The following ABCC5 variants were observed in gnomAD, a reference collection of about 807,000 sequenced individuals.
ABCC5 encodes ATP binding cassette subfamily C member 5, also known as ATP-binding cassette sub-family C member 5.
Under a neutral mutation model 160.9 loss-of-function variants are expected in ABCC5, and 61 were observed. That is an observed-to-expected ratio of 0.38 (90% confidence interval 0.31 to 0.47). The LOEUF (loss-of-function observed/expected upper bound fraction) is 0.47. ABCC5 is among the 20% of genes least tolerant of loss of function. The probability of loss-of-function intolerance (pLI) is 0.99; values close to 1 mark genes in which losing one functional copy is unlikely to be tolerated. For synonymous variants in ABCC5, 666 were observed against 700.6 expected, an observed-to-expected ratio of 0.95 and a Z score of 0.78; for missense variants, 1,308 against 1,813.3, an observed-to-expected ratio of 0.72 and a Z score of 5.06.
rs1716329796 is a variant in ABCC5 at position 183,957,901 on chromosome 3, C to G, written c.2482+1832G>C. Among the ~76,000 whole-genome samples the G allele has an allele frequency of 1.3e-5, 2 of 150,054 alleles. 1 individual carries two copies. The highest frequency in any genetic ancestry group is 4.2e-4 in the South Asian group (2 of 4,746). ...ATCCGTGTGTATATCACATCGGTTA[C>G]ATGCGGATCCGTGTGTATATCACAT... On this transcript the variant is annotated intron_variant, in intron 17 of 29. Coordinates refer to ENST00000334444, the MANE Select transcript of ABCC5 (RefSeq NM_005688.4).
Position 183,939,717 on chromosome 3 carries a change from C to T in ABCC5, c.3695-1657G>A, listed in dbSNP as rs762360863. On this transcript the variant is annotated intron_variant, in intron 25 of 29. Coordinates refer to ENST00000334444, the MANE Select transcript of ABCC5 (RefSeq NM_005688.4). Reference sequence around the variant, plus strand: ...AAACATTTAAAAGGTGCTCTCTCTACAGAGCCAAAAAGAAAAGAAGTTTGC... The same window carrying T: ...AAACATTTAAAAGGTGCTCTCTCTATAGAGCCAAAAAGAAAAGAAGTTTGC... Among the ~76,000 whole-genome samples the T allele has an allele frequency of 2.6e-5, 4 of 152,200 alleles. No homozygotes were observed. The South Asian group carries it at 8.3e-4, about 31-fold the overall frequency.
chr3:183,991,055 G>A (rs1719718003), intron 2 of ABCC5, among the ~76,000 whole-genome samples: 1 of 151,972 alleles, frequency 6.6e-6, no homozygotes, highest in Non-Finnish European at 1.5e-5. Context: ...CTGTAATCCT[G>A]ACACTTTGGA....
Position 183,937,369 on chromosome 3 carries a change from T to A in ABCC5, c.3854+532A>T, listed in dbSNP as rs202204510. On this transcript the variant is annotated intron_variant, in intron 26 of 29. Coordinates refer to ENST00000334444, the MANE Select transcript of ABCC5 (RefSeq NM_005688.4). The stretch of plus-strand genomic sequence containing the variant: ...TTCAGCCTGGGTGACAGAGTGAGAC[T>A]CCATCTCAAACAAACAGAACAAAAA... Among the ~76,000 whole-genome samples the A allele has an allele frequency of 3.3e-5, 5 of 152,072 alleles. No individual in the cohort carries two copies. The East Asian group carries it at 9.6e-4, about 29-fold the overall frequency.
intron 28 of ABCC5, 82 bp from the exon 29 acceptor site, chr3:183,925,801 T>G: frequency 7.3e-7 from 1 of 1,366,162 alleles, no homozygotes; most frequent in East Asian, 2.4e-5. Context: ...AAAATGTATT[T>G]CATTTAAGTT....
chr3:183,967,642 G>C (rs1241205965), intron 12 of ABCC5, 53 bp downstream of exon 12: 2 of 1,502,142 alleles, frequency 1.3e-6, no homozygotes, highest in Non-Finnish European at 1.9e-6. Context: ...TTTTTCCTGA[G>C]ACTCTTGCAA....
chr3:183,953,046 T>C, intron 18 of ABCC5, 40 bp downstream of exon 18: 8 of 1,581,834 alleles, frequency 5.1e-6, no homozygotes, highest in Non-Finnish European at 6.0e-6. Flanking sequence ...AACGGCCACA[T>C]TCTTAGACAC....
chr3:183,982,671 C>T lies in ABCC5; in HGVS notation c.826-47G>A. 1 of 1,609,572 alleles carries T rather than the reference C, an allele frequency of 6.2e-7. No individual in the cohort carries two copies. The highest frequency in any genetic ancestry group is 8.5e-7 in the Non-Finnish European group (1 of 1,176,546). On this transcript the variant is annotated intron_variant, in intron 6 of 29. Coordinates refer to ENST00000334444, the MANE Select transcript of ABCC5 (RefSeq NM_005688.4). This position sits in a 1 kb window ranked among gnomAD's most constrained non-coding sequence, Gnocchi z 5.2. ...GAGGGGACCCTGCAAGGACACGGTT[C>T]ATTTGTCTCAGGAGGAAGATAAAGG...
chr3:183,984,520 T>C, intron 5 of ABCC5: 1 of 1,116,570 alleles, frequency 9.0e-7, no homozygotes, highest in Non-Finnish European at 1.1e-6. Context: ...ATTTCTTGTT[T>C]TTCCTGAGAT....
At chr3:183,930,914 A>T (rs1229714768) in intron 26 of ABCC5, among the ~76,000 whole-genome samples, 5 of 152,350 alleles carry the variant, frequency 3.3e-5, no homozygotes, top group African/African-American at 1.2e-4. Flanking sequence ...TCTGGATCAA[A>T]GAGCAGGCAT....
At chr3:183,957,617 CAGA>C (rs1716233797) in intron 17 of ABCC5, among the ~76,000 whole-genome samples, 1 of 151,684 alleles carries the variant, frequency 6.6e-6, no homozygotes, top group Non-Finnish European at 1.5e-5. Flanking sequence ...CGGTTACATG[CAGA>C]TCCATGTGTA....
intron 2 of ABCC5, among the ~76,000 whole-genome samples, chr3:184,001,869 G>A (rs578089565): frequency 6.6e-6 from 1 of 152,320 alleles, no homozygotes; most frequent in African/African-American, 2.4e-5. Flanking sequence ...CACACTGAAA[G>A]GCTGTCAGTG....
intron 24 of ABCC5, 74 bp downstream of exon 24, chr3:183,945,776 C>A: frequency 8.4e-7 from 1 of 1,191,616 alleles, no homozygotes; most frequent in South Asian, 1.2e-5. Context: ...CCTTGTACAC[C>A]CAGCTGAGGC....
rs1560006898 is a variant in ABCC5, at chr3:183,957,779, A to ATCACATCTGTTACATGCAG, written c.2482+1953_2482+1954insCTGCATGTAACAGATGTGA. On this transcript the variant is annotated intron_variant, in intron 17 of 29. Transcript: ENST00000334444. ...GTGTATATCACATCGGTTACACGTA[A>ATCACATCTGTTACATGCAG]ATCCGTGTGTATATCACATCGGTTA... Among the ~76,000 whole-genome samples the ATCACATCTGTTACATGCAG allele has an allele frequency of 1.3e-4, 7 of 55,140 alleles. No homozygotes were observed. In the East Asian group the frequency reaches 4.5e-3, roughly 35 times the overall value. The allele number at this position is 55,140 out of a possible 152,430, so 36.2% of individuals were successfully genotyped here. A position where few individuals can be genotyped will look rare whatever the true frequency, so the allele number is the denominator to read the frequency against.
intron 11 of ABCC5, among the ~76,000 whole-genome samples, chr3:183,969,129 TG>T (rs1577558119): frequency 6.6e-6 from 1 of 152,150 alleles, no homozygotes; most frequent in African/African-American, 2.4e-5. Context: ...GAAAAATGCC[TG>T]GTGCACAGAA....
In ABCC5 at chr3:183,982,847, C is replaced by A. The variant is rs767886323; in HGVS notation, c.752G>T (p.Arg251Leu). The A allele has an allele frequency of 2.5e-6, 4 of 1,614,066 alleles. No individual in the cohort carries two copies. The African/African-American group carries it at 4.0e-5, about 16-fold the overall frequency. ...AAATGCCATGGTTAGGATGGCCCCC[C>A]GCAAGCGGACACCGGTTCGGTAATT... ...ALNYRTGVRL[R>L]GAILTMAFKK... The change falls in exon 6 of 30, where the codon CGG becomes CTG. Residue 251 changes from arginine (R) to leucine (L), a missense_variant. This residue lies in a region of ABCC5 where 1,142 missense variants were observed against 1,527.1 expected (regional missense o/e 0.75). Coordinates refer to ENST00000334444, the MANE Select transcript of ABCC5 (RefSeq NM_005688.4). The surrounding 1 kb of genome is among the most constrained non-coding windows in gnomAD (Gnocchi z 5.2).
intron 17 of ABCC5, among the ~76,000 whole-genome samples, chr3:183,957,281 T>C (rs1716151095): frequency 9.2e-6 from 1 of 109,186 alleles, no homozygotes; most frequent in Non-Finnish European, 2.0e-5. Flanking sequence ...CGTGTGTATA[T>C]GACATCAGTT....
rs1314780773 is a variant in ABCC5, at chr3:183,951,939, A to G, written c.2732T>C (p.Met911Thr). Residue 911 changes from methionine (M) to threonine (T), a missense_variant, in exon 19 of 30, where the codon ATG becomes ACG. Met to Thr is a moderately conservative substitution (Grantham distance 81). Around this residue, in one of 3 missense-constraint regions of ABCC5, gnomAD observed 1,142 missense variants for 1,527.1 expected, o/e 0.75. Coordinates refer to ENST00000334444, the MANE Select transcript of ABCC5 (RefSeq NM_005688.4). This position sits in a 1 kb window ranked among gnomAD's most constrained non-coding sequence, Gnocchi z 4.7. Reference protein sequence around the residue: ...VSDSMKDNPHMQYYASIYALS... With the variant: ...VSDSMKDNPHTQYYASIYALS... ...GGCGTAGATGCTGGCATAGTACTGC[A>G]TATGAGGATTGTCCTTCATGCTGTC... 1 of 1,613,946 alleles carries G rather than the reference A, an allele frequency of 6.2e-7. No homozygotes were observed. The highest frequency in any genetic ancestry group is 8.5e-7 in the Non-Finnish European group (1 of 1,179,812).
intron 5 of ABCC5, chr3:183,984,881 T>A (rs1576898315): frequency 8.9e-6 from 14 of 1,578,316 alleles, no homozygotes; most frequent in Non-Finnish European, 1.2e-5. Flanking sequence ...GATGGAGCAG[T>A]CTCCAAAGGA....
chr3:183,939,204 G>A (rs955744861), intron 25 of ABCC5, among the ~76,000 whole-genome samples: 7 of 152,118 alleles, frequency 4.6e-5, no homozygotes, highest in African/African-American at 1.2e-4. Flanking sequence ...AGGCTGAGGC[G>A]GGCAGATCAC....
Sources: allele counts gnomAD v4.1 joint callset (sites outside exome capture counted in the v4.1 genomes callset), GRCh38; gene constraint gnomAD v4.1.1; regional missense constraint gnomAD v4.1.1; non-coding constraint Gnocchi (gnomAD v3.1); transcripts MANE v1.5; gene names NCBI Gene and HGNC (gene_info 2026-07-23, HGNC 2026-07-21).